The following RAB3D variants were observed in gnomAD, a reference collection of about 807,000 sequenced individuals.
RAB3D encodes RAB3D, member RAS oncogene family, also known as ras-related protein Rab-3D.
A neutral mutation model predicts 19.3 loss-of-function variants in RAB3D; 17 were observed. The ratio of observed to expected loss-of-function variants is 0.88; its 90% CI spans 0.60 to 1.32. The LOEUF (loss-of-function observed/expected upper bound fraction) is 1.32. RAB3D is among the 40% of genes most tolerant of loss of function. The probability of loss-of-function intolerance (pLI) is 0.00; values close to 1 mark genes in which losing one functional copy is unlikely to be tolerated. For synonymous variants in RAB3D, 103 were observed against 119.9 expected, an observed-to-expected ratio of 0.86 and a Z score of 0.92; for missense variants, 223 against 299.1, an observed-to-expected ratio of 0.75 and a Z score of 1.88.
chr19:11,337,563 G>C, intron 1 of RAB3D, 103 bp from the exon 2 acceptor site: 1 of 620,254 alleles, frequency 1.6e-6, no homozygotes, highest in South Asian at 1.8e-5. Context: ...TGGATGCATC[G>C]CTTGCCCCCT....
rs1306233071 is a variant in RAB3D at position 11,325,358 on chromosome 19, C to T, written c.*40G>A. On this transcript the variant is annotated 3_prime_UTR_variant, in exon 5 of 5. Coordinates refer to ENST00000222120, the MANE Select transcript of RAB3D (RefSeq NM_004283.4). ...CTCACGCCTCGATCACAGTCCCTGC[C>T]GAGGCAGGAGAGGGGTGGGTGGGGG... 12 of 1,117,480 alleles carry T rather than the reference C, an allele frequency of 1.1e-5. No individual in the cohort carries two copies. The highest frequency in any genetic ancestry group is 7.8e-5 in the African/African-American group (3 of 38,272). The allele number at this position is 1,117,480 out of a possible 1,614,324, so 69.2% of individuals were successfully genotyped here.
At chr19:11,334,044 T>C (rs533000162) in intron 4 of RAB3D, among the ~76,000 whole-genome samples, 130 of 152,298 alleles carry the variant, frequency 8.5e-4, no homozygotes, top group African/African-American at 3.0e-3. Context: ...ATTTATGCAT[T>C]GTCTGTGGCT....
intron 4 of RAB3D, among the ~76,000 whole-genome samples, chr19:11,334,959 GT>G (rs1160848141): frequency 6.6e-6 from 1 of 152,184 alleles, no homozygotes; most frequent in Non-Finnish European, 1.5e-5. Context: ...GGAGCTTGCA[GT>G]GAGCCGAGAT....
intron 4 of RAB3D, among the ~76,000 whole-genome samples, chr19:11,332,570 C>G (rs550924143): frequency 6.6e-6 from 1 of 152,184 alleles, no homozygotes; most frequent in Non-Finnish European, 1.5e-5. Context: ...GTCTCAAAGT[C>G]CTGGGCTTCA....
At chr19:11,325,737 T>C (rs756960449) in intron 4 of RAB3D, 152 bp from the exon 5 acceptor site, 1 of 670,906 alleles carries the variant, frequency 1.5e-6, no homozygotes, top group Non-Finnish European at 2.5e-6. Context: ...AAGCCTCAGT[T>C]TGCTCACCTG....
At chr19:11,333,542 G>A (rs2080842350) in intron 4 of RAB3D, among the ~76,000 whole-genome samples, 1 of 152,194 alleles carries the variant, frequency 6.6e-6, no homozygotes, top group East Asian at 1.9e-4. Context: ...AATCAGAGAA[G>A]CTGGGAGACC....
At chr19:11,336,738 A>G (rs915791524) in intron 2 of RAB3D, among the ~76,000 whole-genome samples, 2 of 151,826 alleles carry the variant, frequency 1.3e-5, no homozygotes, top group African/African-American at 4.8e-5. Flanking sequence ...TGGGAGGCCG[A>G]GGTGGGCGGA....
chr19:11,326,804 C>G (rs318687), intron 4 of RAB3D: 48,771 of 689,756 alleles, frequency 0.071, 2,518 homozygotes, highest in African/African-American at 0.2. Context: ...AGGTGGGGGT[C>G]TCGCTATGTT....
intron 2 of RAB3D, among the ~76,000 whole-genome samples, chr19:11,336,610 A>G (rs998883145): frequency 2.0e-5 from 3 of 151,914 alleles, no homozygotes; most frequent in Non-Finnish European, 2.9e-5. Flanking sequence ...CGCTAGTGTC[A>G]CAAGTACTTC....
intron 4 of RAB3D, among the ~76,000 whole-genome samples, chr19:11,334,873 A>G (rs959004560): frequency 1.3e-5 from 2 of 152,146 alleles, no homozygotes; most frequent in African/African-American, 4.8e-5. Flanking sequence ...CAGTGAGCCA[A>G]TACGGCACCA....
intron 4 of RAB3D, among the ~76,000 whole-genome samples, chr19:11,333,371 C>T (rs759770975): frequency 6.6e-6 from 1 of 151,948 alleles, no homozygotes; most frequent in African/African-American, 2.4e-5. Context: ...TGAGCCACTG[C>T]GCCCGGCAGA....
intron 4 of RAB3D, among the ~76,000 whole-genome samples, chr19:11,330,768 T>A (rs2080832824): frequency 6.6e-6 from 1 of 151,972 alleles, no homozygotes; most frequent in East Asian, 1.9e-4. Flanking sequence ...GCCAGGGTGG[T>A]CTCAAGCTTC....
chr19:11,328,108 CG>C, intron 4 of RAB3D, among the ~76,000 whole-genome samples: 1 of 151,332 alleles, frequency 6.6e-6, no homozygotes, highest in East Asian at 1.9e-4. Flanking sequence ...CCAAGGTGAG[CG>C]GATCACTTGA....
At chr19:11,339,027 G>A (rs1002391848) in intron 1 of RAB3D, among the ~76,000 whole-genome samples, 2 of 152,158 alleles carry the variant, frequency 1.3e-5, no homozygotes, top group Non-Finnish European at 2.9e-5. Flanking sequence ...TTTAAACCAG[G>A]ACCCAACCGG....
At position 11,322,803 on chromosome 19, in the gene RAB3D, A is replaced by C. The variant is rs2080787993; in HGVS notation, c.*2595T>G. The C allele has an allele frequency of 6.6e-6, 1 of 152,252 alleles. No individual in the cohort carries two copies. Among genetic ancestry groups the C allele is most frequent in the African/African-American group, 2.4e-5 (1 of 41,474 alleles). The allele number at this position is 152,252 out of a possible 1,614,324, so 9.4% of individuals were successfully genotyped here. On this transcript the variant is annotated 3_prime_UTR_variant, in exon 5 of 5. Transcript: ENST00000222120. ...TTAGGCCAGGTCAGGAGTAAAATGC[A>C]GTCAAAGCTGTTTCTCATCACACAG...
intron 4 of RAB3D, among the ~76,000 whole-genome samples, chr19:11,331,859 T>C (rs1450958310): frequency 6.6e-6 from 1 of 151,942 alleles, no homozygotes; most frequent in African/African-American, 2.4e-5. Context: ...AGTTGCATAG[T>C]GAAGTGTTTA....
intron 2 of RAB3D, 130 bp downstream of exon 2, chr19:11,337,042 C>G: frequency 1.3e-6 from 1 of 750,880 alleles, no homozygotes; most frequent in Non-Finnish European, 2.2e-6. Flanking sequence ...TGCAGTGAGC[C>G]GAGATCCCGC....
At chr19:11,327,988 C>T (rs369007015) in intron 4 of RAB3D, among the ~76,000 whole-genome samples, 1 of 151,726 alleles carries the variant, frequency 6.6e-6, no homozygotes, top group Non-Finnish European at 1.5e-5. Context: ...CCTGAGCTCA[C>T]AAGTTTGAGA....
chr19:11,335,487 A>C lies in RAB3D; in HGVS notation c.432T>G (p.Val144=). The C allele has an allele frequency of 1.2e-6, 2 of 1,614,200 alleles. No homozygotes were observed. Among genetic ancestry groups the C allele is most frequent in the Non-Finnish European group, 1.7e-6 (2 of 1,180,038 alleles). Residue 144 remains valine (V), a synonymous_variant, in exon 4 of 5, where the codon GTT becomes GTG. Coordinates refer to ENST00000222120, the MANE Select transcript of RAB3D (RefSeq NM_004283.4). The stretch of plus-strand genomic sequence containing the variant: ...GCCTCCGGCCATCCTCAGCAGGCAC[A>C]ACACGTTCGTCCTCCAGGTCACACT... ...GNKCDLEDER[V]VPAEDGRRLA...
Sources: allele counts gnomAD v4.1 joint callset (sites outside exome capture counted in the v4.1 genomes callset), GRCh38; gene constraint gnomAD v4.1.1; transcripts MANE v1.5; gene names NCBI Gene and HGNC (gene_info 2026-07-23, HGNC 2026-07-21).